The following CYP2S1 variants were observed in gnomAD, a reference collection of about 807,000 sequenced individuals.
The protein encoded by CYP2S1 is cytochrome P450 family 2 subfamily S member 1.
In CYP2S1, 32 loss-of-function variants were observed where a neutral mutation model predicts 43.5. The observed-to-expected ratio is 0.74, with a 90% CI of 0.56 to 0.99. The LOEUF (loss-of-function observed/expected upper bound fraction) is 0.99. CYP2S1 is among the 50% of genes least tolerant of loss of function. CYP2S1 has a pLI of 0.00. For missense variants in CYP2S1, 575 were observed against 673.9 expected, an observed-to-expected ratio of 0.85 and a Z score of 1.62; for synonymous variants, 283 against 302.9, an observed-to-expected ratio of 0.93 and a Z score of 0.68.
intron 2 of CYP2S1, among the ~76,000 whole-genome samples, chr19:41,195,615 T>G (rs1670348781): frequency 6.6e-6 from 1 of 151,824 alleles, no homozygotes; most frequent in African/African-American, 2.4e-5. Flanking sequence ...GCATGTTTGG[T>G]GAGGGAGCTT....
At chr19:41,196,267 G>A (rs763454126) in intron 2 of CYP2S1, among the ~76,000 whole-genome samples, 18 of 152,116 alleles carry the variant, frequency 1.2e-4, no homozygotes, top group Non-Finnish European at 2.2e-4. Flanking sequence ...GGAAGTGAGA[G>A]AAGACCAGCG....
At chr19:41,203,278 G>A (rs1353296987) in intron 6 of CYP2S1, among the ~76,000 whole-genome samples, 172 bp from the exon 7 acceptor site, 1 of 151,916 alleles carries the variant, frequency 6.6e-6, no homozygotes, top group Non-Finnish European at 1.5e-5. Context: ...AAGATAGATG[G>A]AACACCCAAC....
In CYP2S1 at chr19:41,206,731, C is replaced by T. The variant is rs1249507309; in HGVS notation, c.*243C>T. 6 of 742,162 alleles carry T rather than the reference C, an allele frequency of 8.1e-6. No homozygotes were observed. The highest frequency in any genetic ancestry group is 7.0e-5 in the Admixed American group (4 of 57,490). The allele number at this position is 742,162 out of a possible 1,614,324, so 46.0% of individuals were successfully genotyped here. A position where few individuals can be genotyped will look rare whatever the true frequency, so the allele number is the denominator to read the frequency against. ...AAGCAACTGCTGGGTTAGCTTTCCA[C>T]AGACATAAATATAGTCCATCTGCAA... On this transcript the variant is annotated 3_prime_UTR_variant, in exon 9 of 9. Coordinates refer to ENST00000310054, the MANE Select transcript of CYP2S1 (RefSeq NM_030622.8).
chr19:41,197,939 CG>C lies in CYP2S1; in HGVS notation c.493+15del. 1.9e-6 allele frequency: 3 copies of C among 1,605,574 alleles called. No homozygotes were observed. Among genetic ancestry groups the C allele is most frequent in the Non-Finnish European group, 2.5e-6 (3 of 1,176,600 alleles). On this transcript the variant is annotated intron_variant, in intron 3 of 8. Transcript: ENST00000310054. ...TCCAGGGGACAGAAGGTCAGCATGG[CG>C]GGGTCACCCCAGGGTCTCCAGCCGA...
In CYP2S1 at chr19:41,206,738, A is replaced by T; in HGVS notation, c.*250A>T. The T allele has an allele frequency of 4.1e-6, 3 of 732,376 alleles. No homozygotes were observed. The East Asian group carries it at 7.8e-5, about 19-fold the overall frequency. The allele number at this position is 732,376 out of a possible 1,614,324, so 45.4% of individuals were successfully genotyped here. ...TGCTGGGTTAGCTTTCCACAGACAT[A>T]AATATAGTCCATCTGCAATCACAAG... is the stretch of plus-strand genomic sequence containing the variant. On this transcript the variant is annotated 3_prime_UTR_variant, in exon 9 of 9. Transcript: ENST00000310054.
chr19:41,197,790 T>A lies in CYP2S1; in HGVS notation c.355T>A (p.Ser119Thr). 1 of 1,613,890 alleles carries A rather than the reference T, an allele frequency of 6.2e-7. No individual in the cohort carries two copies. Among genetic ancestry groups the A allele is most frequent in the Non-Finnish European group, 8.5e-7 (1 of 1,180,014 alleles). ...AGCCTTCTGCGCAGGGGTTTTCTTC[T>A]CCAACGGGGAGCGGTGGAGGCAGCT... ...GTFDGHGVFF[S>T]NGERWRQLRK... The change falls in exon 3 of 9, where the codon TCC (serine) becomes ACC (threonine). Residue 119 changes from serine to threonine, a missense_variant. Physicochemically the swap from Ser to Thr is moderately conservative, Grantham distance 58 (BLOSUM62 1). Coordinates refer to ENST00000310054, the MANE Select transcript of CYP2S1 (RefSeq NM_030622.8).
rs1403191669 is a variant in CYP2S1 at position 41,198,753 on chromosome 19, C to T, written c.699C>T (p.Pro233=). 1 of 1,614,098 alleles carries T rather than the reference C, an allele frequency of 6.2e-7. No individual in the cohort carries two copies. Among genetic ancestry groups the T allele is most frequent in the Non-Finnish European group, 8.5e-7 (1 of 1,180,034 alleles). ...GGTTCCTGCGGCCCCTGCCAGGCCC[C>T]CACAAGCAGCTCCTCCACCACGTCA... The part of the protein sequence containing the change: ...FSWFLRPLPG[P]HKQLLHHVST... The change falls in exon 5 of 9, where the codon CCC becomes CCT. Residue 233 remains proline (P), a synonymous_variant. Coordinates refer to ENST00000310054, the MANE Select transcript of CYP2S1 (RefSeq NM_030622.8). The surrounding 1 kb of genome is among the most constrained non-coding windows in gnomAD (Gnocchi z 4.9).
At chr19:41,193,586 G>A (rs1463292062) in intron 1 of CYP2S1, 145 bp downstream of exon 1, 17 of 1,331,862 alleles carry the variant, frequency 1.3e-5, no homozygotes, top group Non-Finnish European at 1.6e-5. Context: ...GCTGTCCTGG[G>A]GTTGGGGGCA....
intron 6 of CYP2S1, among the ~76,000 whole-genome samples, chr19:41,202,528 A>G (rs368129492): frequency 9.7e-4 from 147 of 152,170 alleles, no homozygotes; most frequent in African/African-American, 3.5e-3. Flanking sequence ...GGTGGCTTAT[A>G]CCTGTAATCC....
At chr19:41,197,384 C>G (rs1599712493) in intron 2 of CYP2S1, among the ~76,000 whole-genome samples, 2 of 152,136 alleles carry the variant, frequency 1.3e-5, no homozygotes, top group South Asian at 2.1e-4. Context: ...TGAAGAGTCC[C>G]CCTCAGGGAA....
chr19:41,193,452 C>T lies in CYP2S1; in HGVS notation c.177+11C>T. 1.4e-6 allele frequency: 2 copies of T among 1,428,802 alleles called. No homozygotes were observed. The highest frequency in any genetic ancestry group is 3.0e-5 in the South Asian group (2 of 67,676). 88.5% of individuals were successfully genotyped at this position (1,428,802 alleles called of 1,614,324 possible). Reference sequence around the variant, plus strand: ...TCAGGGCTCATGCGGGTAAGGGGCTCTGGGGACGTCCTGGCTAGGGGTGGG... The same window carrying T: ...TCAGGGCTCATGCGGGTAAGGGGCTTTGGGGACGTCCTGGCTAGGGGTGGG... On this transcript the variant is annotated intron_variant, in intron 1 of 8. Transcript: ENST00000310054.
At chr19:41,201,175 G>A in intron 5 of CYP2S1, 56 bp from the exon 6 acceptor site, 1 of 1,591,508 alleles carries the variant, frequency 6.3e-7, no homozygotes, top group East Asian at 2.2e-5. Context: ...GGCTGTTCTG[G>A]ACATTTACTT....
At chr19:41,196,843 A>G (rs561112935) in intron 2 of CYP2S1, among the ~76,000 whole-genome samples, 28 of 152,216 alleles carry the variant, frequency 1.8e-4, no homozygotes, top group African/African-American at 6.5e-4. Context: ...GACTCCATAA[A>G]TGATGGGATG....
intron 5 of CYP2S1, among the ~76,000 whole-genome samples, chr19:41,199,682 C>T (rs539474470): frequency 5.9e-5 from 9 of 152,164 alleles, no homozygotes; most frequent in Non-Finnish European, 1.0e-4. Context: ...ACATCATGCC[C>T]GGTCGGGCAC....
chr19:41,194,135 G>A (rs1334313694), intron 1 of CYP2S1, among the ~76,000 whole-genome samples: 1 of 152,108 alleles, frequency 6.6e-6, no homozygotes, highest in Non-Finnish European at 1.5e-5. Flanking sequence ...TGGGGTCTTG[G>A]GGGAGAGATG....
At position 41,206,083 on chromosome 19, in the gene CYP2S1, C is replaced by T; in HGVS notation, c.1290C>T (p.Phe430=). ...ADGRFRKHEA[F]LPFSLGKRVC... is the part of the protein sequence containing the mutation. ...GACGGTTCAGGAAGCATGAGGCGTT[C>T]CTGCCCTTCTCCTTAGGTATCTGCT... is the stretch of plus-strand genomic sequence containing the variant. The change falls in exon 8 of 9, where the codon TTC becomes TTT. Residue 430 remains phenylalanine, a synonymous_variant. Transcript: ENST00000310054. The T allele has an allele frequency of 6.2e-7, 1 of 1,614,030 alleles. No homozygotes were observed. The highest frequency in any genetic ancestry group is 1.1e-5 in the South Asian group (1 of 91,082).
chr19:41,198,834 T>C lies in CYP2S1; in HGVS notation c.780T>C (p.Asp260=). 6.2e-7 allele frequency: 1 copy of C among 1,614,186 alleles called. No homozygotes were observed. Among genetic ancestry groups the C allele is most frequent in the Non-Finnish European group, 8.5e-7 (1 of 1,180,028 alleles). Residue 260 remains aspartate, a synonymous_variant, in exon 5 of 9, where the codon GAT becomes GAC. Transcript: ENST00000310054. The surrounding 1 kb of genome is among the most constrained non-coding windows in gnomAD (Gnocchi z 4.9). ...RQVQQHQGNL[D]ASGPARDLVD... ...TGCAGCAGCACCAGGGGAACCTGGA[T>C]GCTTCGGGCCCCGCACGTGACCTTG...
At chr19:41,201,421 C>G in intron 6 of CYP2S1, 49 bp downstream of exon 6, 3 of 1,591,648 alleles carry the variant, frequency 1.9e-6, no homozygotes, top group African/African-American at 2.7e-5. Flanking sequence ...AGTCAGGGTT[C>G]TAGGCTGAGC....
rs1423818931 is a variant in CYP2S1, at chr19:41,194,592, C to T, written c.226C>T (p.Arg76Trp). Reference sequence around the variant, plus strand: ...GTTCACCATCTACCTGGGACCCTGGCGGCCTGTGGTGGTCCTGGTTGGGCA... The same window carrying T: ...GTTCACCATCTACCTGGGACCCTGGTGGCCTGTGGTGGTCCTGGTTGGGCA... ...PVFTIYLGPW[R>W]PVVVLVGQEA... Residue 76 changes from arginine (R) to tryptophan (W), a missense_variant, in exon 2 of 9, where the codon CGG (arginine) becomes TGG (tryptophan). This residue lies in a region of CYP2S1 where 353 missense variants were observed against 367.6 expected (regional missense o/e 0.96). Coordinates refer to ENST00000310054, the MANE Select transcript of CYP2S1 (RefSeq NM_030622.8). 1.1e-5 allele frequency: 18 copies of T among 1,609,874 alleles called. No homozygotes were observed. Among genetic ancestry groups the T allele is most frequent in the African/African-American group, 1.3e-5 (1 of 74,682 alleles).
Sources: allele counts gnomAD v4.1 joint callset (sites outside exome capture counted in the v4.1 genomes callset), GRCh38; gene constraint gnomAD v4.1.1; regional missense constraint gnomAD v4.1.1; non-coding constraint Gnocchi (gnomAD v3.1); transcripts MANE v1.5; gene names NCBI Gene and HGNC (gene_info 2026-07-23, HGNC 2026-07-21).